The following MUC5B variants were observed in gnomAD, a reference collection of about 807,000 sequenced individuals.
MUC5B encodes mucin 5B, oligomeric mucus/gel-forming.
Under a neutral mutation model 376.9 loss-of-function variants are expected in MUC5B, and 116 were observed. The ratio of observed to expected loss-of-function variants is 0.31; its 90% confidence interval spans 0.26 to 0.36. The LOEUF (loss-of-function observed/expected upper bound fraction) is 0.36. Among genes scored for constraint, MUC5B ranks in the 10% least tolerant of loss-of-function variants. MUC5B has a pLI of 1.00. For missense variants in MUC5B, 7,165 were observed against 7,769.9 expected (o/e 0.92, Z 2.93); for synonymous variants, 3,517 against 3,390.9 (o/e 1.04, Z -1.29).
At position 1,262,102 on chromosome 11, in the gene MUC5B, G is replaced by C; in HGVS notation, c.*494G>C. ...GAGGTCGCAACGGCCAGGTCAGAGA[G>C]GGGTCAGCATCCCAAAGCCCCCTCT... On this transcript the variant is annotated 3_prime_UTR_variant, in exon 49 of 49. Transcript: ENST00000529681. 1 of 524,400 alleles carries C rather than the reference G, an allele frequency of 1.9e-6. No homozygotes were observed. The highest frequency in any genetic ancestry group is 3.9e-6 in the Non-Finnish European group (1 of 256,544). 32.5% of individuals were successfully genotyped at this position (524,400 alleles called of 1,614,324 possible). A position where few individuals can be genotyped will look rare whatever the true frequency, so the allele number is the denominator to read the frequency against.
intron 7 of MUC5B, 59 bp downstream of exon 7, chr11:1,227,840 C>T (rs1861923493): frequency 3.0e-6 from 2 of 673,308 alleles, no homozygotes; most frequent in Non-Finnish European, 5.6e-6. Flanking sequence ...CCAGGGGGAG[C>T]TGGGCCGAGG....
At position 1,250,486 on chromosome 11, in the gene MUC5B, C is replaced by T. The variant is rs369352795; in HGVS notation, c.13606C>T (p.Arg4536Cys). ...PSSSLGTTWT[R>C]LSQTTTPTAT... ...CTCCTCCCTGGGCACCACCTGGACC[C>T]GCCTATCACAGACCACCACACCCAC... is the stretch of plus-strand genomic sequence containing the variant. Residue 4536 changes from arginine to cysteine, a missense_variant, in exon 31 of 49, where the codon CGC becomes TGC. By Grantham distance (180) the Arg-to-Cys change is radical (BLOSUM62 -3). Transcript: ENST00000529681. The T allele has an allele frequency of 1.3e-4, 211 of 1,599,914 alleles. No homozygotes were observed. In the African/African-American group the frequency reaches 2.5e-3, roughly 19 times the overall value.
Position 1,244,757 on chromosome 11 carries a change from C to G in MUC5B, c.7877C>G (p.Thr2626Arg), listed in dbSNP as rs3021158. ...FTATPSSSPG[T>R]ARTLPVWIST... ...GCCACCCCCTCCTCCAGCCCAGGGACGGCACGCACGCTTCCAGTGTGGATC... is the reference window on the plus strand; with the variant it reads ...GCCACCCCCTCCTCCAGCCCAGGGAGGGCACGCACGCTTCCAGTGTGGATC... Residue 2626 changes from threonine to arginine, a missense_variant, in exon 31 of 49, where the codon ACG becomes AGG. By Grantham distance (71) the Thr-to-Arg change is moderately conservative (BLOSUM62 -1). This residue lies in a region of MUC5B where 141 missense variants were observed against 111.2 expected (regional missense o/e 1.27). Coordinates refer to ENST00000529681, the MANE Select transcript of MUC5B (RefSeq NM_002458.3). 213,852 of 1,601,722 alleles carry G rather than the reference C, an allele frequency of 0.13. 15,824 individuals are homozygous for G. The highest frequency in any genetic ancestry group is 0.26 in the Admixed American group (15,364 of 59,886).
chr11:1,255,351 G>C, intron 36 of MUC5B, 32 bp from the exon 37 acceptor site: 2 of 1,555,760 alleles, frequency 1.3e-6, no homozygotes, highest in African/African-American at 1.4e-5. Context: ...CTGGGGCTGG[G>C]GGCCCTCCGT....
rs573111022 is a variant in MUC5B, at chr11:1,258,543, G to A, written c.16593+176G>A. Among the ~76,000 whole-genome samples, 7 of 152,230 alleles carry A rather than the reference G, an allele frequency of 4.6e-5. No homozygotes were observed. Among genetic ancestry groups the A allele is most frequent in the East Asian group, 1.9e-4 (1 of 5,178 alleles). On this transcript the variant is annotated intron_variant, in intron 43 of 48. Coordinates refer to ENST00000529681, the MANE Select transcript of MUC5B (RefSeq NM_002458.3). The surrounding 1 kb of genome is among the most constrained non-coding windows in gnomAD (Gnocchi z 5.5). ...TGCTTGGGACTCAGGGGCACCTTAC[G>A]TCGACAGCCATGAGCTCCACAACTG...
chr11:1,250,107 C>T lies in MUC5B; in HGVS notation c.13227C>T (p.Ala4409=), dbSNP rs1862630305. Reference sequence around the variant, plus strand: ...CAACTGCAGCCACTGGCCCCACGGCCACCCCGTCCTCCACCCCAGGGACCA... The same window carrying T: ...CAACTGCAGCCACTGGCCCCACGGCTACCCCGTCCTCCACCCCAGGGACCA... The part of the protein sequence containing the change: ...ATTTAATGPT[A]TPSSTPGTTW... The change falls in exon 31 of 49, where the codon GCC becomes GCT. Residue 4409 remains alanine, a synonymous_variant. Coordinates refer to ENST00000529681, the MANE Select transcript of MUC5B (RefSeq NM_002458.3). 1.3e-6 allele frequency: 2 copies of T among 1,594,662 alleles called. No individual in the cohort carries two copies. Among genetic ancestry groups the T allele is most frequent in the Non-Finnish European group, 1.7e-6 (2 of 1,169,144 alleles).
rs774576682 is a variant in MUC5B at position 1,236,941 on chromosome 11, T to C, written c.3074T>C (p.Leu1025Pro). The C allele has an allele frequency of 6.7e-7, 1 of 1,485,598 alleles. No homozygotes were observed. Among genetic ancestry groups the C allele is most frequent in the Non-Finnish European group, 9.0e-7 (1 of 1,113,014 alleles). 92.0% of individuals were successfully genotyped at this position (1,485,598 alleles called of 1,614,324 possible). A position where few individuals can be genotyped will look rare whatever the true frequency, so the allele number is the denominator to read the frequency against. Reference sequence around the variant, plus strand: ...CCTCTGCAGGGCAGGGTCTGCGGCCTGTGCGGGAACTTCGACGACAATGCC... The same window carrying C: ...CCTCTGCAGGGCAGGGTCTGCGGCCCGTGCGGGAACTTCGACGACAATGCC... ...HQDYKGRVCG[L>P]CGNFDDNAIN... is the part of the protein sequence containing the mutation. The change falls in exon 25 of 49, where the codon CTG (leucine) becomes CCG (proline). Residue 1025 changes from leucine (L) to proline (P), a missense_variant. Around this residue, in one of 31 missense-constraint regions of MUC5B, gnomAD observed 4 missense variants for 19.7 expected, o/e 0.20. Coordinates refer to ENST00000529681, the MANE Select transcript of MUC5B (RefSeq NM_002458.3).
At chr11:1,254,400 C>T (rs753061655) in intron 34 of MUC5B, 49 bp downstream of exon 34, 2 of 1,584,066 alleles carry the variant, frequency 1.3e-6, no homozygotes, top group Admixed American at 1.7e-5. Context: ...CCCAACCGCA[C>T]CTGGGCAGGC....
intron 27 of MUC5B, 63 bp downstream of exon 27, chr11:1,239,629 G>T: frequency 6.6e-7 from 1 of 1,518,754 alleles, no homozygotes; most frequent in Non-Finnish European, 8.8e-7. Context: ...TACGTGGGGG[G>T]GCGGGGATCC....
In MUC5B at chr11:1,249,943, T is replaced by G. The variant is rs1166148698; in HGVS notation, c.13063T>G (p.Ser4355Ala). ...VATMSTIHPS[S>A]TPETTHTSTV... ...CACCATGTCCACAATCCACCCCTCCTCCACTCCGGAGACCACCCACACCTC... is the reference window on the plus strand; with the variant it reads ...CACCATGTCCACAATCCACCCCTCCGCCACTCCGGAGACCACCCACACCTC... The change falls in exon 31 of 49, where the codon TCC (serine) becomes GCC (alanine). Residue 4355 changes from serine (S) to alanine (A), a missense_variant. Transcript: ENST00000529681. The G allele has an allele frequency of 6.9e-6, 11 of 1,599,772 alleles. No homozygotes were observed. In the East Asian group the frequency reaches 2.5e-4, roughly 36 times the overall value.
chr11:1,225,799 C>T (rs1861867273), intron 2 of MUC5B, 62 bp downstream of exon 2: 4 of 1,499,950 alleles, frequency 2.7e-6, no homozygotes, highest in African/African-American at 2.8e-5. Flanking sequence ...GGAATTTGGG[C>T]TGGGGCAGGC....
intron 25 of MUC5B, among the ~76,000 whole-genome samples, chr11:1,238,137 G>A (rs1862195973): frequency 6.6e-6 from 1 of 152,248 alleles, no homozygotes; most frequent in Admixed American, 6.5e-5. Flanking sequence ...TGGGAGGGGT[G>A]TGGGCTGCCT....
chr11:1,241,972 G>C lies in MUC5B; in HGVS notation c.5092G>C (p.Ala1698Pro). Residue 1698 changes from alanine (A) to proline (P), a missense_variant, in exon 31 of 49, where the codon GCC becomes CCC. Physicochemically the swap from Ala to Pro is conservative, Grantham distance 27 (BLOSUM62 -1). Around this residue, in one of 31 missense-constraint regions of MUC5B, gnomAD observed 897 missense variants for 779.6 expected, o/e 1.15. Coordinates refer to ENST00000529681, the MANE Select transcript of MUC5B (RefSeq NM_002458.3). ...CACATCCACCCTTCCAACACGCTCA[G>C]CCCTTCCAGGGACGACGGGGAGCTT... is the stretch of plus-strand genomic sequence containing the variant. ...VATSTLPTRSALPGTTGSLGT... is the reference protein window; with the variant it reads ...VATSTLPTRSPLPGTTGSLGT... 6.2e-7 allele frequency: 1 copy of C among 1,600,180 alleles called. No individual in the cohort carries two copies. The highest frequency in any genetic ancestry group is 8.5e-7 in the Non-Finnish European group (1 of 1,173,982).
rs1862676055 is a variant in MUC5B, at chr11:1,251,146, T to C, written c.14266T>C (p.Ser4756Pro). The part of the protein sequence containing the change: ...TATSFTPIPS[S>P]TLWTTWTVPA... ...TACCAGCTTTACACCCATCCCCTCC[T>C]CCACCCTGTGGACCACGTGGACCGT... The change falls in exon 31 of 49, where the codon TCC becomes CCC. Residue 4756 changes from serine (S) to proline (P), a missense_variant. By Grantham distance (74) the Ser-to-Pro change is moderately conservative. Transcript: ENST00000529681. 1.9e-6 allele frequency: 3 copies of C among 1,610,274 alleles called. No homozygotes were observed.
At position 1,258,792 on chromosome 11, in the gene MUC5B, T is replaced by G. The variant is rs1862916879; in HGVS notation, c.16594-150T>G. On this transcript the variant is annotated intron_variant, in intron 43 of 48. Coordinates refer to ENST00000529681, the MANE Select transcript of MUC5B (RefSeq NM_002458.3). This position sits in a 1 kb window ranked among gnomAD's most constrained non-coding sequence, Gnocchi z 5.5. Reference sequence around the variant, plus strand: ...GTGGTCCCTGTGTGCATCAGCTCCCTGCCTGCCTGGGTCCATGCTCAGCCA... The same window carrying G: ...GTGGTCCCTGTGTGCATCAGCTCCCGGCCTGCCTGGGTCCATGCTCAGCCA... The G allele has an allele frequency of 8.7e-7, 1 of 1,146,392 alleles. No homozygotes were observed. Among genetic ancestry groups the G allele is most frequent in the Non-Finnish European group, 1.2e-6 (1 of 821,438 alleles). The allele number at this position is 1,146,392 out of a possible 1,614,324, so 71.0% of individuals were successfully genotyped here.
At chr11:1,259,160 C>T (rs1375725156) in intron 44 of MUC5B, 99 bp downstream of exon 44, 7 of 1,248,378 alleles carry the variant, frequency 5.6e-6, no homozygotes, top group South Asian at 5.4e-5. Context: ...GAGTCACCCG[C>T]CCCCAGGTGA....
In MUC5B at chr11:1,246,984, T is replaced by C; in HGVS notation, c.10104T>C (p.Thr3368=). Residue 3368 remains threonine (T), a synonymous_variant, in exon 31 of 49, where the codon ACT becomes ACC. Coordinates refer to ENST00000529681, the MANE Select transcript of MUC5B (RefSeq NM_002458.3). ...CAGTGCTGACCACCACCACCACAAC[T>C]GTGGCCACTGGTTCTATGGCAACAC... is the stretch of plus-strand genomic sequence containing the variant. ...TATVLTTTTT[T]VATGSMATPS... is the part of the protein sequence containing the mutation. 1 of 1,571,356 alleles carries C rather than the reference T, an allele frequency of 6.4e-7. No individual in the cohort carries two copies. Among genetic ancestry groups the C allele is most frequent in the Non-Finnish European group, 8.6e-7 (1 of 1,159,822 alleles).
In MUC5B at chr11:1,254,438, C is replaced by T; in HGVS notation, c.15477+87C>T. 5 of 1,529,830 alleles carry T rather than the reference C, an allele frequency of 3.3e-6. No individual in the cohort carries two copies. In the South Asian group the frequency reaches 4.8e-5, roughly 15 times the overall value. 94.8% of individuals were successfully genotyped at this position (1,529,830 alleles called of 1,614,324 possible). A position where few individuals can be genotyped will look rare whatever the true frequency, so the allele number is the denominator to read the frequency against. ...ACTGCAGGCCGGGGTGACCCAGGTGCCGCAGCGATGGCCCAGTGCCCAAGA... is the reference window on the plus strand; with the variant it reads ...ACTGCAGGCCGGGGTGACCCAGGTGTCGCAGCGATGGCCCAGTGCCCAAGA... On this transcript the variant is annotated intron_variant, in intron 34 of 48. Coordinates refer to ENST00000529681, the MANE Select transcript of MUC5B (RefSeq NM_002458.3).
chr11:1,260,114 G>A (rs765922672), intron 46 of MUC5B, 29 bp downstream of exon 46: 16 of 1,609,016 alleles, frequency 9.9e-6, no homozygotes, highest in African/African-American at 2.7e-5. Context: ...GCCCCTGCCT[G>A]GGAGTCCTTG....
Sources: gnomAD v4.1 joint callset for allele counts (sites outside exome capture counted in the v4.1 genomes callset) on GRCh38, gnomAD v4.1.1 for gene constraint, gnomAD v4.1.1 regional missense constraint, Gnocchi (gnomAD v3.1) non-coding constraint, MANE v1.5 for transcripts, NCBI Gene and HGNC (gene_info 2026-07-23, HGNC 2026-07-21) for gene names.